Variants in COL28A1 observed in about 807,000 individuals in gnomAD.
COL28A1 encodes collagen alpha-1(XXVIII) chain.
In COL28A1, 161 loss-of-function variants were observed where a neutral mutation model predicts 150.2. The observed-to-expected ratio is 1.07, with a 90% CI of 0.94 to 1.22. The LOEUF is 1.22. Ranked by LOEUF, COL28A1 falls within the 50% of genes most tolerant of loss-of-function variation. COL28A1 has a pLI of 0.00. For missense variants in COL28A1, 1,617 were observed against 1,388.3 expected, an observed-to-expected ratio of 1.16 and a Z score of -2.62; for synonymous variants, 552 against 469.7, an observed-to-expected ratio of 1.18 and a Z score of -2.26.
intron 17 of COL28A1, 40 bp downstream of exon 17, chr7:7,453,400 C>A (rs752631780): frequency 1.7e-5 from 15 of 889,724 alleles, no homozygotes; most frequent in Non-Finnish European, 2.5e-5. Context: ...AGCAATTATA[C>A]TATAGATATA....
chr7:7,490,633 G>T lies in COL28A1; in HGVS notation c.1040C>A (p.Pro347His), dbSNP rs1163417858. 1 of 1,326,258 alleles carries T rather than the reference G, an allele frequency of 7.5e-7. No individual in the cohort carries two copies. Among genetic ancestry groups the T allele is most frequent in the Non-Finnish European group, 1.1e-6 (1 of 918,338 alleles). The allele number at this position is 1,326,258 out of a possible 1,614,324, so 82.2% of individuals were successfully genotyped here. The change falls in exon 12 of 35, where the codon CCT becomes CAT. Residue 347 changes from proline to histidine, a missense_variant. Coordinates refer to ENST00000399429, the MANE Select transcript of COL28A1 (RefSeq NM_001037763.3). ...TCCTGGAGAACCATAAGGACCAGGA[G>T]GACCTGGCTCACCCTGGAGGAAGAA... ...GFQGNKGEPGPPGPYGSPGAP... is the reference protein window; with the variant it reads ...GFQGNKGEPGHPGPYGSPGAP...
the COL28A1 span, among the ~76,000 whole-genome samples, chr7:7,349,596 G>T: frequency 1.3e-5 from 2 of 152,092 alleles, no homozygotes; most frequent in African/African-American, 2.4e-5. Flanking sequence ...CTGGAAAACT[G>T]CCAGGCTCTG....
intron 15 of COL28A1, among the ~76,000 whole-genome samples, chr7:7,474,218 C>G (rs933190771): frequency 6.6e-6 from 1 of 151,802 alleles, no homozygotes; most frequent in Non-Finnish European, 1.5e-5. Context: ...TATGTTCTCA[C>G]TCATATGTGG....
chr7:7,350,867 A>G, the COL28A1 span, among the ~76,000 whole-genome samples: 3 of 152,054 alleles, frequency 2.0e-5, no homozygotes, highest in South Asian at 6.2e-4. Context: ...TTCCATTAGC[A>G]TTTACAAATA....
the COL28A1 span, among the ~76,000 whole-genome samples, chr7:7,350,651 TTTCC>T: frequency 7.7e-6 from 1 of 130,154 alleles, no homozygotes; most frequent in African/African-American, 2.9e-5. Context: ...TTTTGTTTTC[TTTCC>T]TTTTTTTTTT....
chr7:7,424,482 T>C (rs781074287), intron 25 of COL28A1, among the ~76,000 whole-genome samples: 2 of 152,170 alleles, frequency 1.3e-5, no homozygotes, highest in Non-Finnish European at 2.9e-5. Flanking sequence ...ACACAGTTTA[T>C]TGTCAGTGGA....
chr7:7,508,615 T>A (rs891009223), intron 9 of COL28A1, among the ~76,000 whole-genome samples: 2 of 152,250 alleles, frequency 1.3e-5, no homozygotes, highest in African/African-American at 4.8e-5. Context: ...TATTATACAT[T>A]ACTTCACTGT....
chr7:7,460,870 G>A (rs1787558340), intron 15 of COL28A1, among the ~76,000 whole-genome samples: 1 of 152,106 alleles, frequency 6.6e-6, no homozygotes, highest in African/African-American at 2.4e-5. Flanking sequence ...AACACACCTT[G>A]CATATACTAG....
chr7:7,535,080 G>A (rs1376237295), intron 1 of COL28A1, among the ~76,000 whole-genome samples: 1 of 151,926 alleles, frequency 6.6e-6, no homozygotes, highest in East Asian at 1.9e-4. Context: ...CTCTCTTTCT[G>A]ATGTCACGTA....
At chr7:7,484,949 G>C (rs959157883) in intron 13 of COL28A1, among the ~76,000 whole-genome samples, 1 of 152,040 alleles carries the variant, frequency 6.6e-6, no homozygotes, top group Non-Finnish European at 1.5e-5. Context: ...ACAAAGAAGG[G>C]AACAGCAGAC....
Position 7,532,721 on chromosome 7 carries a change from A to G in COL28A1, c.124+31T>C, listed in dbSNP as rs189739783. The G allele has an allele frequency of 1.1e-4, 168 of 1,585,152 alleles. 1 individual carries two copies. The African/African-American group carries it at 2.2e-3, about 20-fold the overall frequency. On this transcript the variant is annotated intron_variant, in intron 2 of 34. Coordinates refer to ENST00000399429, the MANE Select transcript of COL28A1 (RefSeq NM_001037763.3). ...CACATAAGTATTTTTAACAGGCTAA[A>G]CTTAAAAACAAACAATTTTTTTTTT...
intron 17 of COL28A1, 135 bp from the exon 18 acceptor site, chr7:7,452,522 C>CT: frequency 7.7e-7 from 1 of 1,303,270 alleles, no homozygotes; most frequent in South Asian, 1.8e-5. Flanking sequence ...CCTGAAATCC[C>CT]TTCGGGGGAT....
intron 27 of COL28A1, among the ~76,000 whole-genome samples, chr7:7,387,656 G>T (rs955113314): frequency 1.3e-5 from 2 of 152,070 alleles, no homozygotes; most frequent in African/African-American, 4.8e-5. Context: ...TAGAATCTGG[G>T]TAAAGGATAT....
intron 17 of COL28A1, 143 bp downstream of exon 17, chr7:7,453,297 A>T: frequency 1.5e-6 from 1 of 648,470 alleles, no homozygotes; most frequent in African/African-American, 1.9e-5. Flanking sequence ...AATTGTCAGG[A>T]ATATCAGTAA....
chr7:7,454,614 G>A (rs149332036), intron 16 of COL28A1, among the ~76,000 whole-genome samples: 1 of 152,118 alleles, frequency 6.6e-6, no homozygotes, highest in Non-Finnish European at 1.5e-5. Flanking sequence ...CATTAAAGGC[G>A]ACAGGAAGCT....
At chr7:7,524,970 T>G (rs1318679394) in intron 3 of COL28A1, among the ~76,000 whole-genome samples, 5 of 152,208 alleles carry the variant, frequency 3.3e-5, no homozygotes, top group Non-Finnish European at 4.4e-5. Context: ...AATATTTTGG[T>G]AAAAATTTTG....
intron 27 of COL28A1, among the ~76,000 whole-genome samples, chr7:7,414,891 A>G (rs1173414351): frequency 1.3e-5 from 2 of 152,194 alleles, no homozygotes; most frequent in African/African-American, 4.8e-5. Context: ...GCCATCCTCT[A>G]TACTCTCCAG....
At chr7:7,506,244 C>T (rs902447063) in intron 10 of COL28A1, among the ~76,000 whole-genome samples, 177 bp from the exon 11 acceptor site, 2 of 152,208 alleles carry the variant, frequency 1.3e-5, no homozygotes, top group African/African-American at 4.8e-5. Flanking sequence ...GTGTCAAATA[C>T]GTAGCTTCCA....
intron 27 of COL28A1, among the ~76,000 whole-genome samples, chr7:7,415,832 T>A (rs1007599818): frequency 2.4e-4 from 36 of 152,188 alleles, no homozygotes; most frequent in African/African-American, 8.7e-4. Context: ...AGACAAGGTC[T>A]CACTCTGTCA....
Sources: allele counts gnomAD v4.1 joint callset (sites outside exome capture counted in the v4.1 genomes callset), GRCh38; gene constraint gnomAD v4.1.1; transcripts MANE v1.5; gene names NCBI Gene and HGNC (gene_info 2026-07-23, HGNC 2026-07-21).